Variants in ANO3 observed in about 807,000 individuals in gnomAD.
ANO3 encodes anoctamin-3.
In ANO3, 99 loss-of-function variants were observed where a neutral mutation model predicts 144.8. The observed-to-expected ratio is 0.68, with a 90% CI of 0.58 to 0.81. The LOEUF is 0.81. Among genes scored for constraint, ANO3 ranks in the 30% least tolerant of loss-of-function variants. The pLI is 0.00. For missense variants in ANO3, 905 were observed against 1,202.2 expected (o/e 0.75, Z 3.66); for synonymous variants, 414 against 392.6 (o/e 1.05, Z -0.64).
chr11:26,565,435 G>A, intron 14 of ANO3: 2 of 1,613,414 alleles, frequency 1.2e-6, no homozygotes, highest in Non-Finnish European at 8.5e-7. Flanking sequence ...GACAGAGCAG[G>A]TGTAGCATTG....
intron 13 of ANO3, among the ~76,000 whole-genome samples, chr11:26,556,198 C>A (rs951580049): frequency 8.6e-5 from 13 of 151,968 alleles, no homozygotes; most frequent in African/African-American, 2.9e-4. Context: ...CATTTAAATG[C>A]ACTGACACTA....
At chr11:26,643,142 G>A (rs746692888) in intron 22 of ANO3, 40 bp from the exon 23 acceptor site, 3 of 1,597,330 alleles carry the variant, frequency 1.9e-6, no homozygotes, top group African/African-American at 2.7e-5. Flanking sequence ...TGTCACAAAG[G>A]AAGTTTATAT....
intron 5 of ANO3, among the ~76,000 whole-genome samples, chr11:26,514,288 C>G (rs1022268631): frequency 1.3e-5 from 2 of 151,838 alleles, no homozygotes; most frequent in Admixed American, 6.6e-5. Context: ...ATTGAGTAGA[C>G]AAAAAGATTC....
At chr11:26,357,857 ATATCT>A (rs1232016316) in intron 1 of ANO3, among the ~76,000 whole-genome samples, 1 of 152,300 alleles carries the variant, frequency 6.6e-6, no homozygotes, top group African/African-American at 2.4e-5. Flanking sequence ...TTTTGCATAA[ATATCT>A]TAAGTAATAT....
At chr11:26,271,784 G>T (rs1321146308) in intron 1 of ANO3, among the ~76,000 whole-genome samples, 1 of 145,222 alleles carries the variant, frequency 6.9e-6, no homozygotes, top group Admixed American at 7.0e-5. Flanking sequence ...TTTCCGCCTA[G>T]CACAGTAATT....
intron 4 of ANO3, among the ~76,000 whole-genome samples, chr11:26,484,784 C>T (rs549197107): frequency 1.3e-5 from 2 of 152,210 alleles, no homozygotes; most frequent in Non-Finnish European, 2.9e-5. Context: ...CCTGCAGAGC[C>T]ACTGGGGCAC....
chr11:26,632,282 T>A (rs1379831490), intron 18 of ANO3, among the ~76,000 whole-genome samples: 1 of 150,984 alleles, frequency 6.6e-6, no homozygotes, highest in African/African-American at 2.4e-5. Context: ...ATGCGGTGAG[T>A]CACTCTTGTA....
intron 1 of ANO3, among the ~76,000 whole-genome samples, chr11:26,325,451 T>G (rs546500314): frequency 6.6e-6 from 1 of 152,318 alleles, no homozygotes; most frequent in South Asian, 2.1e-4. Context: ...CATTATATGA[T>G]TAACTATTCA....
intron 1 of ANO3, among the ~76,000 whole-genome samples, chr11:26,191,926 T>TA (rs1315768473): frequency 6.6e-6 from 1 of 152,192 alleles, no homozygotes; most frequent in East Asian, 1.9e-4. Flanking sequence ...TTTATTAGAC[T>TA]ATGTTTCTTG....
chr11:26,529,895 T>C (rs1849320885), intron 7 of ANO3, among the ~76,000 whole-genome samples: 1 of 152,134 alleles, frequency 6.6e-6, no homozygotes, highest in Non-Finnish European at 1.5e-5. Flanking sequence ...CAAAGTATCC[T>C]GATGTCAGAT....
At chr11:26,539,085 T>A (rs1416092831) in intron 10 of ANO3, among the ~76,000 whole-genome samples, 1 of 151,584 alleles carries the variant, frequency 6.6e-6, no homozygotes, top group Non-Finnish European at 1.5e-5. Context: ...AGAAGAAATG[T>A]CTTGTGGAGT....
chr11:26,328,205 A>C (rs562834168), upstream of ANO3, among the ~76,000 whole-genome samples: 1 of 152,360 alleles, frequency 6.6e-6, no homozygotes, highest in East Asian at 1.9e-4. Context: ...GGATATCATC[A>C]GGATGAATCT....
intron 1 of ANO3, among the ~76,000 whole-genome samples, chr11:26,340,715 A>G (rs1045761516): frequency 2.6e-5 from 4 of 152,224 alleles, no homozygotes; most frequent in Non-Finnish European, 4.4e-5. Context: ...AGTAAAGGCA[A>G]GCTATATAGA....
At chr11:26,230,532 C>T (rs1435335914) in intron 1 of ANO3, among the ~76,000 whole-genome samples, 2 of 151,962 alleles carry the variant, frequency 1.3e-5, no homozygotes, top group Non-Finnish European at 2.9e-5. Flanking sequence ...CACGGTAGCT[C>T]ACGCCTGTAA....
Position 26,407,524 on chromosome 11 carries a change from T to G in ANO3, c.47-34394T>G, listed in dbSNP as rs375373140. 3.0e-4 allele frequency among the ~76,000 whole-genome samples: 46 copies of G among 152,012 alleles called. No homozygotes were observed. In the East Asian group the frequency reaches 5.2e-3, roughly 17 times the overall value. ...AACTTTTATTGAATCTGTCTTCTTT[T>G]TTCTAGTCCCATAGCCACAGCCACA... On this transcript the variant is annotated intron_variant, in intron 1 of 26. Coordinates refer to ENST00000256737, the MANE Select transcript of ANO3 (RefSeq NM_031418.4).
At chr11:26,576,258 A>G (rs924075033) in intron 14 of ANO3, among the ~76,000 whole-genome samples, 1 of 152,240 alleles carries the variant, frequency 6.6e-6, no homozygotes, top group Non-Finnish European at 1.5e-5. Flanking sequence ...CATTTGTACA[A>G]TAAAGAAAGT....
At chr11:26,657,815 C>T (rs566709039) in intron 26 of ANO3, among the ~76,000 whole-genome samples, 7 of 152,228 alleles carry the variant, frequency 4.6e-5, no homozygotes, top group East Asian at 3.9e-4. Flanking sequence ...GATTGATCCA[C>T]GTTTAGAACA....
chr11:26,559,150 T>A (rs1850182215), intron 13 of ANO3: 1 of 152,264 alleles, frequency 6.6e-6, no homozygotes, highest in African/African-American at 2.4e-5. Flanking sequence ...TAAAAAACAC[T>A]TTGTTTCATA....
At chr11:26,431,147 A>C (rs1166010510) in intron 1 of ANO3, among the ~76,000 whole-genome samples, 1 of 152,226 alleles carries the variant, frequency 6.6e-6, no homozygotes, top group Admixed American at 6.5e-5. Flanking sequence ...TCATAATTTA[A>C]AGTTAAAAGA....
Sources: gnomAD v4.1 joint callset for allele counts (sites outside exome capture counted in the v4.1 genomes callset) on GRCh38, gnomAD v4.1.1 for gene constraint, MANE v1.5 for transcripts, NCBI Gene and HGNC (gene_info 2026-07-23, HGNC 2026-07-21) for gene names.